Variants in CNDP1 observed in about 807,000 individuals in gnomAD.
The protein encoded by CNDP1 is carnosine dipeptidase 1, also known as beta-Ala-His dipeptidase.
A neutral mutation model predicts 58.1 loss-of-function variants in CNDP1; 44 were observed. That is an observed-to-expected ratio of 0.76 (90% CI 0.60 to 0.97). The LOEUF is 0.97. CNDP1 is among the 50% of genes least tolerant of loss of function. CNDP1 has a pLI of 0.00. For synonymous variants in CNDP1, 254 were observed against 252.6 expected (o/e 1.01, Z -0.05); for missense variants, 616 against 655.1 (o/e 0.94, Z 0.65).
chr18:74,572,790 C>CAAAAAAAAA (rs56059264), intron 7 of CNDP1, among the ~76,000 whole-genome samples: 5 of 60,044 alleles, frequency 8.3e-5, no homozygotes, highest in African/African-American at 1.4e-4. Flanking sequence ...GACCCTGTAT[C>CAAAAAAAAA]AAAAAAAAAA....
chr18:74,564,032 C>A (rs1490810064), intron 5 of CNDP1, among the ~76,000 whole-genome samples: 1 of 152,190 alleles, frequency 6.6e-6, no homozygotes, highest in Non-Finnish European at 1.5e-5. Context: ...AACATAGGAA[C>A]AAATTACTAT....
intron 1 of CNDP1, 136 bp from the exon 2 acceptor site, chr18:74,556,202 C>T (rs1981032470): frequency 6.7e-6 from 6 of 892,464 alleles, no homozygotes; most frequent in East Asian, 2.5e-5. Flanking sequence ...TTGGTTCTAC[C>T]GCCTTGTGTT....
chr18:74,583,526 T>A (rs11659237), intron 10 of CNDP1, 35 bp from the exon 11 acceptor site: 1 of 1,604,402 alleles, frequency 6.2e-7, no homozygotes, highest in South Asian at 1.1e-5. Context: ...GTTCTTGTCC[T>A]TACCCTATTC....
chr18:74,534,540 C>A lies in CNDP1; in HGVS notation c.-128C>A. The A allele has an allele frequency of 1.1e-6, 1 of 949,436 alleles. No homozygotes were observed. Among genetic ancestry groups the A allele is most frequent in the Non-Finnish European group, 1.7e-6 (1 of 598,742 alleles). 58.8% of individuals were successfully genotyped at this position (949,436 alleles called of 1,614,324 possible). On this transcript the variant is annotated 5_prime_UTR_variant, in exon 1 of 12. Coordinates refer to ENST00000358821, the MANE Select transcript of CNDP1 (RefSeq NM_032649.6). ...CACTATACCAGCCTCGTCTTCCTTC[C>A]GGGGGACAACGTGGGTCAGGGCACA...
At chr18:74,535,606 G>A (rs1423452427) in intron 1 of CNDP1, among the ~76,000 whole-genome samples, 3 of 23,204 alleles carry the variant, frequency 1.3e-4, no homozygotes, top group Admixed American at 1.4e-3. Flanking sequence ...AAGAACCCAT[G>A]ACTGGCCAGG....
At position 74,572,093 on chromosome 18, in the gene CNDP1, C is replaced by T. The variant is rs565710670; in HGVS notation, c.841+823C>T. On this transcript the variant is annotated intron_variant, in intron 7 of 11. Transcript: ENST00000358821. Reference sequence around the variant, plus strand: ...AATGGTGTCAAATATGTCAGCACCACTTGGCTTCATTTTTCAAGGTTGCTG... The same window carrying T: ...AATGGTGTCAAATATGTCAGCACCATTTGGCTTCATTTTTCAAGGTTGCTG... Among the ~76,000 whole-genome samples the T allele has an allele frequency of 3.3e-5, 5 of 152,254 alleles. No homozygotes were observed. In the South Asian group the frequency reaches 1.0e-3, roughly 32 times the overall value.
In CNDP1 at chr18:74,584,550, C is replaced by T. The variant is rs1981865603; in HGVS notation, c.1512C>T (p.Ala504=). The T allele has an allele frequency of 2.5e-6, 4 of 1,613,136 alleles. No homozygotes were observed. The highest frequency in any genetic ancestry group is 3.4e-6 in the Non-Finnish European group (4 of 1,179,308). ...KLFAAFFLEM[A]QLH is the part of the protein sequence containing the mutation. ...TTGCTGCCTTTTTCTTAGAGATGGCCCAGCTCCATTAATCACAAGAACCTT... is the reference window on the plus strand; with the variant it reads ...TTGCTGCCTTTTTCTTAGAGATGGCTCAGCTCCATTAATCACAAGAACCTT... Residue 504 remains alanine, a synonymous_variant, in exon 12 of 12, where the codon GCC becomes GCT. Transcript: ENST00000358821.
At chr18:74,574,600 G>A (rs1248794428) in intron 7 of CNDP1, among the ~76,000 whole-genome samples, 2 of 152,214 alleles carry the variant, frequency 1.3e-5, no homozygotes, top group Non-Finnish European at 2.9e-5. Context: ...TCCCAAGAAG[G>A]CTGTGGTAAC....
Position 74,584,489 on chromosome 18 carries a change from T to G in CNDP1, c.1458-7T>G. 6.2e-7 allele frequency: 1 copy of G among 1,607,126 alleles called. No individual in the cohort carries two copies. Among genetic ancestry groups the G allele is most frequent in the African/African-American group, 1.3e-5 (1 of 74,930 alleles). On this transcript the variant is annotated splice_polypyrimidine_tract_variant and splice_region_variant and intron_variant, in intron 11 of 11. Transcript: ENST00000358821. ...ACAAAATTTCTCTTTGTTTTTCCTC[T>G]TCTTAGGTGGAACTACATAGAGGGA...
chr18:74,569,865 C>T (rs1331918485), intron 6 of CNDP1, among the ~76,000 whole-genome samples: 3 of 151,866 alleles, frequency 2.0e-5, no homozygotes, highest in East Asian at 1.9e-4. Flanking sequence ...CTGAACATTC[C>T]ACAACAAACA....
At chr18:74,537,118 T>C (rs1189921732) in intron 1 of CNDP1, among the ~76,000 whole-genome samples, 2 of 152,260 alleles carry the variant, frequency 1.3e-5, no homozygotes, top group African/African-American at 4.8e-5. Flanking sequence ...TCTTTTACTG[T>C]GCAGAAGCTC....
chr18:74,553,223 G>A (rs149762367), intron 1 of CNDP1, among the ~76,000 whole-genome samples: 2,207 of 152,122 alleles, frequency 0.015, 21 homozygotes, highest in Non-Finnish European at 0.022. Context: ...CACATTCTAC[G>A]TGTTGTCTTT....
At chr18:74,582,084 C>A (rs184841427) in intron 10 of CNDP1, among the ~76,000 whole-genome samples, 2 of 152,154 alleles carry the variant, frequency 1.3e-5, no homozygotes. Flanking sequence ...GCAGGTATTT[C>A]GCCAGTAAAC....
chr18:74,540,260 C>T (rs1037487069), intron 1 of CNDP1, among the ~76,000 whole-genome samples: 5 of 151,408 alleles, frequency 3.3e-5, no homozygotes, highest in Admixed American at 2.6e-4. Context: ...TGGGTTCAAG[C>T]GATTCTTCTG....
In CNDP1 at chr18:74,584,958, G is replaced by A. The variant is rs1226396305; in HGVS notation, c.*396G>A. 2 of 168,668 alleles carry A rather than the reference G, an allele frequency of 1.2e-5. No individual in the cohort carries two copies. The highest frequency in any genetic ancestry group is 1.6e-4 in the East Asian group (1 of 6,254). The allele number at this position is 168,668 out of a possible 1,614,324, so 10.4% of individuals were successfully genotyped here. On this transcript the variant is annotated 3_prime_UTR_variant, in exon 12 of 12. Coordinates refer to ENST00000358821, the MANE Select transcript of CNDP1 (RefSeq NM_032649.6). ...CACATAATCATTCCATCCAATGATCGCCTTTGCTTTACCACTCTTTCCTTT... is the reference window on the plus strand; with the variant it reads ...CACATAATCATTCCATCCAATGATCACCTTTGCTTTACCACTCTTTCCTTT...
intron 9 of CNDP1, among the ~76,000 whole-genome samples, chr18:74,579,369 CT>C (rs1246222160): frequency 1.1e-4 from 15 of 135,538 alleles, no homozygotes; most frequent in African/African-American, 4.0e-4. Context: ...CTTCCCTTTC[CT>C]TTTATCTTTC....
At chr18:74,571,690 A>T (rs1981483653) in intron 7 of CNDP1, among the ~76,000 whole-genome samples, 1 of 152,210 alleles carries the variant, frequency 6.6e-6, no homozygotes, top group Admixed American at 6.5e-5. Flanking sequence ...ACTGAAGATA[A>T]ATCAACAAAG....
At position 74,545,207 on chromosome 18, in the gene CNDP1, C is replaced by T. The variant is rs1375885784; in HGVS notation, c.24+10516C>T. Reference sequence around the variant, plus strand: ...GCAGCCTGAGGAAGCTAGTGGAGACCGATGGGAAAGCCCCGCCCTCTCCTC... The same window carrying T: ...GCAGCCTGAGGAAGCTAGTGGAGACTGATGGGAAAGCCCCGCCCTCTCCTC... On this transcript the variant is annotated intron_variant, in intron 1 of 11. Transcript: ENST00000358821. This position sits in a 1 kb window ranked among gnomAD's most constrained non-coding sequence, Gnocchi z 4.1. Among the ~76,000 whole-genome samples, 1 of 152,214 alleles carries T rather than the reference C, an allele frequency of 6.6e-6. No individual in the cohort carries two copies.
intron 11 of CNDP1, chr18:74,583,961 T>G (rs1981851866): frequency 6.4e-6 from 3 of 470,064 alleles, no homozygotes; most frequent in East Asian, 7.6e-5. Context: ...TAGGTGGTTC[T>G]GGTGTCTCTC....
Sources: allele counts gnomAD v4.1 joint callset (sites outside exome capture counted in the v4.1 genomes callset), GRCh38; gene constraint gnomAD v4.1.1; non-coding constraint Gnocchi (gnomAD v3.1); transcripts MANE v1.5; gene names NCBI Gene and HGNC (gene_info 2026-07-23, HGNC 2026-07-21).